The following CHIC2 variants were observed in gnomAD, a reference collection of about 807,000 sequenced individuals.
The protein encoded by CHIC2 is cysteine rich hydrophobic domain 2, also known as cysteine-rich hydrophobic domain-containing protein 2.
Under a neutral mutation model 25.9 loss-of-function variants are expected in CHIC2, and 14 were observed. The ratio of observed to expected loss-of-function variants is 0.54; its 90% CI spans 0.36 to 0.85. The LOEUF (loss-of-function observed/expected upper bound fraction) is 0.85. Ranked by LOEUF, CHIC2 falls within the 40% of genes least tolerant of loss-of-function variation. CHIC2 has a pLI of 0.01. For synonymous variants in CHIC2, 70 were observed against 72.0 expected, an observed-to-expected ratio of 0.97 and a Z score of 0.14; for missense variants, 146 against 202.0, an observed-to-expected ratio of 0.72 and a Z score of 1.68.
At chr4:54,089,705 C>G in the CHIC2 span, among the ~76,000 whole-genome samples, 1 of 152,104 alleles carries the variant, frequency 6.6e-6, no homozygotes, top group African/African-American at 2.4e-5. Context: ...ATATTCAGCT[C>G]CTATAGGTTC....
At chr4:54,034,444 A>G (rs1167506342) in intron 3 of CHIC2, among the ~76,000 whole-genome samples, 1 of 152,000 alleles carries the variant, frequency 6.6e-6, no homozygotes, top group Non-Finnish European at 1.5e-5. Flanking sequence ...ACAAGAACCA[A>G]TATTTTCCCC....
At chr4:54,022,331 G>C (rs1560383400) in intron 3 of CHIC2, among the ~76,000 whole-genome samples, 2 of 152,016 alleles carry the variant, frequency 1.3e-5, no homozygotes, top group African/African-American at 2.4e-5. Context: ...CAGACGCTCT[G>C]GGTAACTCTT....
At chr4:54,028,891 G>C (rs1188869103) in intron 3 of CHIC2, among the ~76,000 whole-genome samples, 1 of 152,168 alleles carries the variant, frequency 6.6e-6, no homozygotes, top group African/African-American at 2.4e-5. Context: ...TTGGGGGGCC[G>C]AGGTGGGCAG....
In CHIC2 at chr4:54,044,528, A is replaced by G. The variant is rs552387086; in HGVS notation, c.330+4427T>C. ...CTGCTCAACTACATGGAAACTGAACAACCTGCTCCTGAATGACTACTGGGT... is the reference window on the plus strand; with the variant it reads ...CTGCTCAACTACATGGAAACTGAACGACCTGCTCCTGAATGACTACTGGGT... On this transcript the variant is annotated intron_variant, in intron 3 of 5. Transcript: ENST00000263921. Among the ~76,000 whole-genome samples the G allele has an allele frequency of 1.0e-3, 152 of 152,228 alleles. 1 individual carries two copies. The highest frequency in any genetic ancestry group is 5.4e-3 in the Admixed American group (83 of 15,298).
At chr4:54,018,128 A>C (rs1296110249) in intron 3 of CHIC2, among the ~76,000 whole-genome samples, 1 of 152,120 alleles carries the variant, frequency 6.6e-6, no homozygotes, top group Non-Finnish European at 1.5e-5. Context: ...GAGAACTAAA[A>C]GGGCCTCAGT....
chr4:54,018,105 A>T (rs369354262), intron 3 of CHIC2, among the ~76,000 whole-genome samples: 1 of 152,178 alleles, frequency 6.6e-6, no homozygotes, highest in East Asian at 1.9e-4. Flanking sequence ...TAGGAAAAAC[A>T]TGAAAACGGA....
chr4:54,026,160 T>A (rs1254854221), intron 3 of CHIC2, among the ~76,000 whole-genome samples: 2 of 152,164 alleles, frequency 1.3e-5, no homozygotes, highest in African/African-American at 2.4e-5. Context: ...GAAACCAGGA[T>A]TAAATGGCCT....
the CHIC2 span, among the ~76,000 whole-genome samples, chr4:54,084,959 C>CAAAATAAAAAAAAAAA: frequency 1.7e-5 from 1 of 58,922 alleles, no homozygotes; most frequent in Non-Finnish European, 3.2e-5. Context: ...TGCTCTGTCT[C>CAAAATAAAAAAAAAAA]AAAAAAAAAA....
intron 3 of CHIC2, among the ~76,000 whole-genome samples, chr4:54,042,639 T>C (rs903681320): frequency 5.9e-5 from 9 of 151,892 alleles, no homozygotes; most frequent in Middle Eastern, 3.2e-3. Flanking sequence ...ATTGAAACAA[T>C]GGAAATGCCC....
chr4:54,042,460 G>A (rs73818149), intron 3 of CHIC2, among the ~76,000 whole-genome samples: 3,551 of 152,096 alleles, frequency 0.023, 134 homozygotes, highest in African/African-American at 0.081. Flanking sequence ...TAAATACACC[G>A]TACACACTGC....
rs545388441 is a variant in CHIC2 at position 54,028,018 on chromosome 4, C to T, written c.331-13899G>A. ...AATGTATATTTTTCTCCTATACCCA[C>T]TTTACCTGCTTTACAGTTTCTTTCC... On this transcript the variant is annotated intron_variant, in intron 3 of 5. Transcript: ENST00000263921. Among the ~76,000 whole-genome samples, 4 of 152,286 alleles carry T rather than the reference C, an allele frequency of 2.6e-5. No homozygotes were observed. In the South Asian group the frequency reaches 8.3e-4, roughly 32 times the overall value.
chr4:54,045,401 T>C (rs1260295634), intron 3 of CHIC2, among the ~76,000 whole-genome samples: 1 of 152,192 alleles, frequency 6.6e-6, no homozygotes, highest in African/African-American at 2.4e-5. Context: ...AAATTCTCAA[T>C]AAAATACTGG....
chr4:54,028,651 T>C (rs1041246918), intron 3 of CHIC2, among the ~76,000 whole-genome samples: 4 of 152,244 alleles, frequency 2.6e-5, no homozygotes, highest in African/African-American at 7.2e-5. Context: ...ATAGCCGGTA[T>C]ACAATAATTA....
chr4:54,086,361 A>G, the CHIC2 span, among the ~76,000 whole-genome samples: 3 of 152,068 alleles, frequency 2.0e-5, no homozygotes, highest in African/African-American at 7.2e-5. Context: ...TTTCATCTCC[A>G]TCCCAACCTC....
chr4:54,039,660 T>C (rs1379438714), intron 3 of CHIC2, among the ~76,000 whole-genome samples: 1 of 152,196 alleles, frequency 6.6e-6, no homozygotes, highest in Non-Finnish European at 1.5e-5. Context: ...GTTTGGAGAT[T>C]TTTTATAAAT....
the CHIC2 span, among the ~76,000 whole-genome samples, chr4:54,071,565 A>G: frequency 6.6e-6 from 1 of 152,268 alleles, no homozygotes; most frequent in Non-Finnish European, 1.5e-5. Context: ...TCCTCATCCC[A>G]TAATCTTACC....
intron 3 of CHIC2, among the ~76,000 whole-genome samples, chr4:54,016,283 C>T (rs1385680932): frequency 3.3e-5 from 5 of 151,364 alleles, no homozygotes; most frequent in Non-Finnish European, 5.9e-5. Context: ...AAGTTTAAAC[C>T]CATGCTATAA....
In CHIC2 at chr4:54,048,772, C is replaced by T. The variant is rs923586404; in HGVS notation, c.330+183G>A. The T allele has an allele frequency of 1.1e-5, 5 of 446,992 alleles. No individual in the cohort carries two copies. In the East Asian group the frequency reaches 1.8e-4, roughly 16 times the overall value. The allele number at this position is 446,992 out of a possible 1,614,324, so 27.7% of individuals were successfully genotyped here. The stretch of plus-strand genomic sequence containing the variant: ...AATTATAAATATAATTTTTAGATGG[C>T]TATTTAATAACAGCACTTGGATATA... On this transcript the variant is annotated intron_variant, in intron 3 of 5. Coordinates refer to ENST00000263921, the MANE Select transcript of CHIC2 (RefSeq NM_012110.4).
the CHIC2 span, chr4:54,087,493 C>T: frequency 2.6e-5 from 25 of 947,570 alleles, no homozygotes; most frequent in South Asian, 1.7e-4. Context: ...AATATTTCGA[C>T]GTGATGTTAG....
Sources: allele counts gnomAD v4.1 joint callset (sites outside exome capture counted in the v4.1 genomes callset), GRCh38; gene constraint gnomAD v4.1.1; transcripts MANE v1.5; gene names NCBI Gene and HGNC (gene_info 2026-07-23, HGNC 2026-07-21).